TTLL5: variants seen among roughly 807,000 people sequenced by gnomAD.
The protein encoded by TTLL5 is tubulin tyrosine ligase like 5.
Under a neutral mutation model 168.4 loss-of-function variants are expected in TTLL5, and 132 were observed. That is an observed-to-expected ratio of 0.78 (90% confidence interval 0.68 to 0.91). TTLL5 has a LOEUF of 0.91. Ranked by LOEUF, TTLL5 falls within the 40% of genes least tolerant of loss-of-function variation. The probability of loss-of-function intolerance (pLI) is 0.00; values close to 1 mark genes in which losing one functional copy is unlikely to be tolerated. For missense variants in TTLL5, 1,545 were observed against 1,581.5 expected (o/e 0.98, Z 0.39); for synonymous variants, 546 against 558.6 (o/e 0.98, Z 0.32).
chr14:75,846,418 A>G (rs571519063), intron 28 of TTLL5, among the ~76,000 whole-genome samples: 6 of 152,298 alleles, frequency 3.9e-5, no homozygotes, highest in African/African-American at 1.2e-4. Context: ...CATTTTAGCT[A>G]TGGTTTAAAA....
intron 31 of TTLL5, among the ~76,000 whole-genome samples, chr14:75,916,207 G>GAGGGAAGA (rs2033610093): frequency 7.0e-6 from 1 of 142,418 alleles, no homozygotes; most frequent in Non-Finnish European, 1.5e-5. Context: ...GGGAGGGAGG[G>GAGGGAAGA]AGGGAAGAAG....
In TTLL5 at chr14:75,696,153, G is replaced by A. The variant is rs150184834; in HGVS notation, c.503-3035G>A. 3.4e-4 allele frequency among the ~76,000 whole-genome samples: 51 copies of A among 152,156 alleles called. No individual in the cohort carries two copies. In the South Asian group the frequency reaches 8.5e-3, roughly 25 times the overall value. On this transcript the variant is annotated intron_variant, in intron 6 of 31. Coordinates refer to ENST00000298832, the MANE Select transcript of TTLL5 (RefSeq NM_015072.5). ...GATCCTCCTGCCCCAGTCTCCCAAA[G>A]CGCTGGGATTACAGGTGTGAGTGAG...
chr14:75,836,781 A>G (rs1895892541), intron 28 of TTLL5, among the ~76,000 whole-genome samples: 3 of 152,210 alleles, frequency 2.0e-5, no homozygotes, highest in Admixed American at 2.0e-4. Context: ...AGTTTTCTCA[A>G]CACAGAAAAG....
At chr14:75,663,532 A>G (rs1445399320) in intron 2 of TTLL5, among the ~76,000 whole-genome samples, 2 of 152,188 alleles carry the variant, frequency 1.3e-5, no homozygotes, top group Non-Finnish European at 2.9e-5. Context: ...AGAACTCCCA[A>G]CAGAAGATTT....
intron 2 of TTLL5, among the ~76,000 whole-genome samples, chr14:75,668,582 G>A (rs1473784125): frequency 6.6e-6 from 1 of 152,204 alleles, no homozygotes; most frequent in Non-Finnish European, 1.5e-5. Context: ...CCTGAGGATA[G>A]GGAAAGAGAA....
chr14:75,918,085 T>C (rs1037543243), intron 31 of TTLL5, among the ~76,000 whole-genome samples: 1 of 152,194 alleles, frequency 6.6e-6, no homozygotes, highest in African/African-American at 2.4e-5. Context: ...CTACCGGCAT[T>C]GTGTCCATGT....
intron 12 of TTLL5, among the ~76,000 whole-genome samples, chr14:75,721,232 A>C (rs563053107): frequency 6.6e-6 from 1 of 150,816 alleles, no homozygotes; most frequent in South Asian, 2.1e-4. Flanking sequence ...TCCACCCCCA[A>C]CTCCTTGACT....
intron 2 of TTLL5, among the ~76,000 whole-genome samples, chr14:75,663,673 A>T (rs539167076): frequency 6.6e-6 from 1 of 152,352 alleles, no homozygotes; most frequent in Admixed American, 6.5e-5. Context: ...TTACCATAGT[A>T]ACTCTGAGGC....
chr14:75,783,633 T>A (rs1892185710), intron 26 of TTLL5, 103 bp downstream of exon 26: 8 of 1,455,186 alleles, frequency 5.5e-6, no homozygotes, highest in Non-Finnish European at 7.4e-6. Flanking sequence ...AATTTTGAAA[T>A]GGAAATGGAC....
chr14:75,906,873 G>A (rs999385744), intron 31 of TTLL5, among the ~76,000 whole-genome samples: 1 of 152,124 alleles, frequency 6.6e-6, no homozygotes, highest in Admixed American at 6.5e-5. Flanking sequence ...CTCCTATAAT[G>A]GTCTACCAGT....
intron 12 of TTLL5, 51 bp from the exon 13 acceptor site, chr14:75,732,287 A>G: frequency 6.5e-7 from 1 of 1,532,840 alleles, no homozygotes; most frequent in Non-Finnish European, 9.0e-7. Flanking sequence ...ATCTTTGTGT[A>G]GTTGTGACAT....
In TTLL5 at chr14:75,692,394, G is replaced by T. The variant is rs1885528128; in HGVS notation, c.502+2072G>T. On this transcript the variant is annotated intron_variant, in intron 6 of 31. Coordinates refer to ENST00000298832, the MANE Select transcript of TTLL5 (RefSeq NM_015072.5). ...TTTTGTTTAACTACTAACTAAAGTT[G>T]TAGTTATGTTATTAATAACTACTAT... Among the ~76,000 whole-genome samples, 3 of 152,040 alleles carry T rather than the reference G, an allele frequency of 2.0e-5. No homozygotes were observed. The South Asian group carries it at 6.2e-4, about 32-fold the overall frequency.
Position 75,766,259 on chromosome 14 carries a change from A to G in TTLL5, c.1906A>G (p.Lys636Glu), listed in dbSNP as rs760885007. 88 of 1,614,002 alleles carry G rather than the reference A, an allele frequency of 5.5e-5. No homozygotes were observed. The East Asian group carries it at 1.7e-3, about 31-fold the overall frequency. ...VENTPKENSMKVREWNNKGGH... is the reference protein window; with the variant it reads ...VENTPKENSMEVREWNNKGGH... ...AAATACACCCAAAGAAAATTCCATG[A>G]AAGTTCGTGAATGGAATAATAAAGG... is the stretch of plus-strand genomic sequence containing the variant. Residue 636 changes from lysine (K) to glutamate (E), a missense_variant, in exon 20 of 32, where the codon AAA becomes GAA. Lys to Glu is a moderately conservative substitution (Grantham distance 56, BLOSUM62 1). Coordinates refer to ENST00000298832, the MANE Select transcript of TTLL5 (RefSeq NM_015072.5).
intron 28 of TTLL5, among the ~76,000 whole-genome samples, chr14:75,848,407 A>T (rs1453407278): frequency 6.6e-6 from 1 of 152,062 alleles, no homozygotes; most frequent in Non-Finnish European, 1.5e-5. Context: ...GCCTTTGCAG[A>T]GTGTGAAAGC....
intron 31 of TTLL5, among the ~76,000 whole-genome samples, chr14:75,917,316 T>C (rs1390502891): frequency 6.6e-6 from 1 of 152,242 alleles, no homozygotes; most frequent in African/African-American, 2.4e-5. Flanking sequence ...TTAAGTAGCT[T>C]GTCCAAGCCA....
At chr14:75,695,614 AT>A (rs879302883) in intron 6 of TTLL5, among the ~76,000 whole-genome samples, 17 of 151,952 alleles carry the variant, frequency 1.1e-4, no homozygotes, top group Non-Finnish European at 2.5e-4. Context: ...CAGCTTTAAA[AT>A]TTCTCTCTTT....
At chr14:75,825,822 A>G (rs1021928971) in intron 28 of TTLL5, among the ~76,000 whole-genome samples, 25 of 152,042 alleles carry the variant, frequency 1.6e-4, no homozygotes, top group Non-Finnish European at 3.2e-4. Flanking sequence ...CGATTTCTCC[A>G]GTACATGTAT....
chr14:75,757,503 C>T (rs958528750), intron 18 of TTLL5, among the ~76,000 whole-genome samples: 11 of 152,120 alleles, frequency 7.2e-5, no homozygotes, highest in African/African-American at 2.4e-4. Context: ...ATAAATGGAG[C>T]GAATTAACAA....
At chr14:75,780,536 C>T (rs1262324957) in intron 24 of TTLL5, among the ~76,000 whole-genome samples, 8 of 152,110 alleles carry the variant, frequency 5.3e-5, no homozygotes, top group Non-Finnish European at 8.8e-5. Flanking sequence ...AACTTAAAAC[C>T]TAGATGGAAG....
Sources: gnomAD v4.1 joint callset for allele counts (sites outside exome capture counted in the v4.1 genomes callset) on GRCh38, gnomAD v4.1.1 for gene constraint, MANE v1.5 for transcripts, NCBI Gene and HGNC (gene_info 2026-07-23, HGNC 2026-07-21) for gene names.